Variants in TAOK3 observed in about 807,000 individuals in gnomAD.
TAOK3 encodes the protein serine/threonine-protein kinase TAO3.
Under a neutral mutation model 120.4 loss-of-function variants are expected in TAOK3, and 40 were observed. That is an observed-to-expected ratio of 0.33 (90% CI 0.26 to 0.43). TAOK3 has a LOEUF of 0.43. Among genes scored for constraint, TAOK3 ranks in the 20% least tolerant of loss-of-function variants. TAOK3 has a pLI of 1.00. For missense variants in TAOK3, 821 were observed against 1,112.1 expected, an observed-to-expected ratio of 0.74 and a Z score of 3.72; for synonymous variants, 355 against 387.5, an observed-to-expected ratio of 0.92 and a Z score of 0.99.
intron 1 of TAOK3, among the ~76,000 whole-genome samples, chr12:118,274,863 C>T (rs1213667226): frequency 2.0e-5 from 3 of 151,872 alleles, no homozygotes; most frequent in Non-Finnish European, 4.4e-5. Flanking sequence ...GAACTCCTGG[C>T]CTCCCAAAGT....
chr12:118,210,935 C>T (rs1334611394), intron 11 of TAOK3, among the ~76,000 whole-genome samples: 8 of 152,010 alleles, frequency 5.3e-5, no homozygotes, highest in Admixed American at 3.9e-4. Flanking sequence ...GACGGGGTTT[C>T]GCCATGTTGG....
chr12:118,237,906 A>G (rs2040081408), intron 7 of TAOK3, among the ~76,000 whole-genome samples, 167 bp downstream of exon 7: 1 of 152,222 alleles, frequency 6.6e-6, no homozygotes, highest in Admixed American at 6.5e-5. Flanking sequence ...AATAAGAGAT[A>G]GAAGCTAAAT....
chr12:118,216,719 G>C (rs1388473788), intron 9 of TAOK3, among the ~76,000 whole-genome samples: 1 of 152,016 alleles, frequency 6.6e-6, no homozygotes, highest in Non-Finnish European at 1.5e-5. Context: ...ACGAGGTCAG[G>C]AGATCGAGAC....
chr12:118,359,997 G>A (rs2045537055), intron 1 of TAOK3, among the ~76,000 whole-genome samples: 1 of 152,210 alleles, frequency 6.6e-6, no homozygotes, highest in Non-Finnish European at 1.5e-5. Context: ...CAGGCGTGGT[G>A]GCTCACACCT....
intron 2 of TAOK3, 95 bp downstream of exon 2, chr12:118,266,560 T>C (rs2041458983): frequency 5.1e-6 from 2 of 394,252 alleles, no homozygotes; most frequent in Non-Finnish European, 8.9e-6. Context: ...ACTTTCCCTT[T>C]TATTTTTCTT....
At chr12:118,363,755 T>TGTGAGA (rs777468830) in intron 1 of TAOK3, among the ~76,000 whole-genome samples, 5 of 141,684 alleles carry the variant, frequency 3.5e-5, no homozygotes, top group African/African-American at 1.0e-4. Flanking sequence ...TGTGTGTGTG[T>TGTGAGA]GAGAGAGAGA....
intron 9 of TAOK3, among the ~76,000 whole-genome samples, chr12:118,221,200 G>A (rs1050425262): frequency 6.6e-6 from 1 of 152,114 alleles, no homozygotes; most frequent in African/African-American, 2.4e-5. Context: ...AATACTTATT[G>A]TAGAATATAG....
At position 118,322,090 on chromosome 12, in the gene TAOK3, G is replaced by A. The variant is rs867985445; in HGVS notation, c.-194+50558C>T. ...AGCACTTTGGGAGGCAGAGGCAGGC[G>A]GATCACTTGAGGCCAGGAGTTAGAG... is the stretch of plus-strand genomic sequence containing the variant. On this transcript the variant is annotated intron_variant, in intron 1 of 20. Coordinates refer to ENST00000392533, the MANE Select transcript of TAOK3 (RefSeq NM_016281.4). 7.8e-4 allele frequency among the ~76,000 whole-genome samples: 118 copies of A among 151,968 alleles called. 1 individual carries two copies. Among genetic ancestry groups the A allele is most frequent in the African/African-American group, 7.7e-4 (32 of 41,408 alleles).
At chr12:118,280,309 C>T (rs1418255493) in intron 1 of TAOK3, among the ~76,000 whole-genome samples, 1 of 152,184 alleles carries the variant, frequency 6.6e-6, no homozygotes, top group African/African-American at 2.4e-5. Context: ...GACCCACCTG[C>T]CTCAGCCTTC....
intron 1 of TAOK3, among the ~76,000 whole-genome samples, chr12:118,361,862 T>TG (rs1216619984): frequency 1.3e-5 from 2 of 152,090 alleles, no homozygotes; most frequent in East Asian, 3.9e-4. Context: ...TGTTGAGGTT[T>TG]GGGGTATGGA....
At chr12:118,239,965 A>C (rs2040175960) in intron 5 of TAOK3, among the ~76,000 whole-genome samples, 1 of 152,076 alleles carries the variant, frequency 6.6e-6, no homozygotes, top group Admixed American at 6.6e-5. Flanking sequence ...CCAGGAGTTC[A>C]AGACCAGCCT....
At chr12:118,174,792 T>C (rs2036222715) in intron 16 of TAOK3, among the ~76,000 whole-genome samples, 1 of 151,962 alleles carries the variant, frequency 6.6e-6, no homozygotes, top group African/African-American at 2.4e-5. Flanking sequence ...ACCTCCTGAG[T>C]AGCTGGGATT....
chr12:118,355,541 T>C (rs2045355174), intron 1 of TAOK3, among the ~76,000 whole-genome samples: 1 of 152,246 alleles, frequency 6.6e-6, no homozygotes, highest in African/African-American at 2.4e-5. Context: ...GAATGGGTAG[T>C]ACACAATGTG....
At chr12:118,267,661 C>T (rs1199129179) in intron 1 of TAOK3, among the ~76,000 whole-genome samples, 3 of 150,812 alleles carry the variant, frequency 2.0e-5, no homozygotes, top group East Asian at 2.0e-4. Context: ...CCAAGGCAGG[C>T]GGATCACTAG....
chr12:118,174,884 A>T (rs2036229707), intron 16 of TAOK3, among the ~76,000 whole-genome samples: 2 of 150,894 alleles, frequency 1.3e-5, no homozygotes, highest in African/African-American at 4.9e-5. Flanking sequence ...CTGGTCTTGA[A>T]CTCCTGACCT....
intron 1 of TAOK3, among the ~76,000 whole-genome samples, chr12:118,283,879 T>C (rs1184390151): frequency 1.3e-5 from 2 of 152,198 alleles, no homozygotes; most frequent in African/African-American, 4.8e-5. Context: ...AAATCATTCA[T>C]TGGAAACAAA....
intron 19 of TAOK3, among the ~76,000 whole-genome samples, chr12:118,159,593 G>GC (rs2138355369): frequency 6.6e-6 from 1 of 152,246 alleles, no homozygotes; most frequent in East Asian, 1.9e-4. Context: ...GAGCCACCGC[G>GC]CCCGGCCCCA....
At chr12:118,172,371 G>A in intron 17 of TAOK3, 86 bp downstream of exon 17, 2 of 1,411,660 alleles carry the variant, frequency 1.4e-6, no homozygotes, top group Non-Finnish European at 2.0e-6. Context: ...AGGGATATAG[G>A]AATGGACCAG....
intron 1 of TAOK3, among the ~76,000 whole-genome samples, chr12:118,366,085 G>A (rs1228645944): frequency 2.0e-5 from 3 of 151,976 alleles, no homozygotes; most frequent in Non-Finnish European, 4.4e-5. Flanking sequence ...TCAATATGGC[G>A]AAACCCCGTC....
Sources: allele counts gnomAD v4.1 joint callset (sites outside exome capture counted in the v4.1 genomes callset), GRCh38; gene constraint gnomAD v4.1.1; transcripts MANE v1.5; gene names NCBI Gene and HGNC (gene_info 2026-07-23, HGNC 2026-07-21).